NSMAF: variants seen among roughly 807,000 people sequenced by gnomAD.
The protein encoded by NSMAF is protein FAN.
NSMAF carries 90 observed loss-of-function variants against 134.9 expected under a neutral mutation model. That is an observed-to-expected ratio of 0.67 (90% CI 0.56 to 0.79). The LOEUF is 0.79. NSMAF is among the 30% of genes least tolerant of loss of function. The pLI, the probability that NSMAF is intolerant of heterozygous loss-of-function variation, is 0.00. For synonymous variants in NSMAF, 358 were observed against 389.6 expected (o/e 0.92, Z 0.96); for missense variants, 1,010 against 1,119.0 (o/e 0.90, Z 1.39).
intron 6 of NSMAF, 107 bp from the exon 7 acceptor site, chr8:58,623,887 T>G (rs1806851900): frequency 6.0e-6 from 5 of 837,942 alleles, no homozygotes; most frequent in African/African-American, 3.4e-5. Context: ...ATCTGCATGT[T>G]TTACCTAGTG....
intron 22 of NSMAF, 54 bp from the exon 23 acceptor site, chr8:58,594,344 T>G: frequency 6.8e-7 from 1 of 1,461,494 alleles, no homozygotes; most frequent in South Asian, 1.2e-5. Flanking sequence ...TAGGATACCC[T>G]CTTTGTTTCA....
chr8:58,635,269 T>G lies in NSMAF; in HGVS notation c.296+36A>C, dbSNP rs748869202. On this transcript the variant is annotated intron_variant, in intron 4 of 30. Transcript: ENST00000038176. ...TCATTAAATATATACAGCTTTTTGGTTGAAGTAAAATTAAACAGTGGTGAA... is the reference window on the plus strand; with the variant it reads ...TCATTAAATATATACAGCTTTTTGGGTGAAGTAAAATTAAACAGTGGTGAA... The G allele has an allele frequency of 5.0e-6, 8 of 1,608,484 alleles. No homozygotes were observed. In the East Asian group the frequency reaches 6.7e-5, roughly 13 times the overall value.
chr8:58,585,659 G>A lies in NSMAF; in HGVS notation c.2652C>T (p.Gly884=), dbSNP rs1805865078. The A allele has an allele frequency of 1.2e-6, 2 of 1,609,982 alleles. No homozygotes were observed. Among genetic ancestry groups the A allele is most frequent in the East Asian group, 2.2e-5 (1 of 44,858 alleles). ...LGAKISERIQ[G]HTGAVTCIWM... Reference sequence around the variant, plus strand: ...ACTGCAGTAGCTGCTTACCTGTGTGGCCCTGTATTCTCTCACTGATTTTTG... The same window carrying A: ...ACTGCAGTAGCTGCTTACCTGTGTGACCCTGTATTCTCTCACTGATTTTTG... The change falls in exon 30 of 31, where the codon GGC becomes GGT. Residue 884 remains glycine, a synonymous_variant. Coordinates refer to ENST00000038176, the MANE Select transcript of NSMAF (RefSeq NM_003580.4).
chr8:58,621,220 T>C (rs1806781247), intron 9 of NSMAF, among the ~76,000 whole-genome samples: 1 of 152,192 alleles, frequency 6.6e-6, no homozygotes, highest in African/African-American at 2.4e-5. Flanking sequence ...ATTCCCACAT[T>C]AATTTGCTCC....
At chr8:58,605,882 A>G (rs1167216825) in intron 12 of NSMAF, 45 bp downstream of exon 12, 9 of 434,304 alleles carry the variant, frequency 2.1e-5, no homozygotes, top group South Asian at 1.8e-4. Context: ...TCAGCCTCCA[A>G]AAAAAAAAAA....
intron 9 of NSMAF, among the ~76,000 whole-genome samples, chr8:58,620,936 ATTT>A (rs538178332): frequency 6.6e-6 from 1 of 151,996 alleles, no homozygotes; most frequent in Non-Finnish European, 1.5e-5. Flanking sequence ...CAAAGACTTA[ATTT>A]TTTTTATTAT....
At chr8:58,639,719 GATTA>G (rs1409620900) in intron 2 of NSMAF, among the ~76,000 whole-genome samples, 11 of 152,074 alleles carry the variant, frequency 7.2e-5, no homozygotes, top group African/African-American at 2.2e-4. Context: ...TCCATTGATA[GATTA>G]ATGAATAAAG....
chr8:58,656,016 CT>C (rs143612297), intron 1 of NSMAF, among the ~76,000 whole-genome samples: 16,953 of 150,760 alleles, frequency 0.11, 1,012 homozygotes, highest in African/African-American at 0.15. Context: ...CTATCTAAAT[CT>C]TTTTTTTGTT....
chr8:58,622,542 C>CG (rs1365146719), intron 9 of NSMAF, among the ~76,000 whole-genome samples: 2 of 151,972 alleles, frequency 1.3e-5, no homozygotes, highest in Non-Finnish European at 2.9e-5. Context: ...TACAGGTGCC[C>CG]GCCACCATGC....
chr8:58,657,490 G>T (rs1208950700), intron 1 of NSMAF, among the ~76,000 whole-genome samples: 1 of 152,194 alleles, frequency 6.6e-6, no homozygotes, highest in Admixed American at 6.5e-5. Flanking sequence ...GATGCAAGGG[G>T]ATAAACCCGG....
rs568389920 is a variant in NSMAF, at chr8:58,594,343, C to T, written c.1893-53G>A. 15 of 1,461,052 alleles carry T rather than the reference C, an allele frequency of 1.0e-5. No individual in the cohort carries two copies. In the Admixed American group the frequency reaches 2.1e-4, roughly 20 times the overall value. The allele number at this position is 1,461,052 out of a possible 1,614,324, so 90.5% of individuals were successfully genotyped here. On this transcript the variant is annotated intron_variant, in intron 22 of 30. Transcript: ENST00000038176. ...ACTACTCATCATGTGTTAGGATACC[C>T]TCTTTGTTTCATATCCTTGATTTAA...
At chr8:58,632,851 A>G (rs894240495) in intron 5 of NSMAF, among the ~76,000 whole-genome samples, 4 of 152,110 alleles carry the variant, frequency 2.6e-5, no homozygotes, top group Admixed American at 2.6e-4. Context: ...AACTCTCTTT[A>G]TCACTATAAA....
rs959749977 is a variant in NSMAF at position 58,583,898 on chromosome 8, A to G, written c.*208T>C. The G allele has an allele frequency of 7.1e-6, 4 of 562,892 alleles. No homozygotes were observed. Among genetic ancestry groups the G allele is most frequent in the Non-Finnish European group, 1.3e-5 (4 of 315,130 alleles). 34.9% of individuals were successfully genotyped at this position (562,892 alleles called of 1,614,324 possible). A position where few individuals can be genotyped will look rare whatever the true frequency, so the allele number is the denominator to read the frequency against. ...CCTTACAGTGTAACATGTTTTTCCT[A>G]ACACAGCCGCATTTTATCTGCCCTA... On this transcript the variant is annotated 3_prime_UTR_variant, in exon 31 of 31. Transcript: ENST00000038176.
At chr8:58,651,507 C>G (rs956131999) in intron 1 of NSMAF, among the ~76,000 whole-genome samples, 1 of 152,166 alleles carries the variant, frequency 6.6e-6, no homozygotes, top group African/African-American at 2.4e-5. Context: ...TATCAAAATC[C>G]CTTTCACTGA....
At chr8:58,622,685 GC>G (rs1806816173) in intron 9 of NSMAF, among the ~76,000 whole-genome samples, 1 of 151,914 alleles carries the variant, frequency 6.6e-6, no homozygotes. Flanking sequence ...GAGCCACCGT[GC>G]CCAGCCTAAT....
chr8:58,598,715 G>A (rs1806200070), intron 19 of NSMAF, among the ~76,000 whole-genome samples: 1 of 152,016 alleles, frequency 6.6e-6, no homozygotes, highest in Non-Finnish European at 1.5e-5. Context: ...CTCCCTCCTT[G>A]TCAGTTACTC....
chr8:58,659,499 G>A (rs1585773649), intron 1 of NSMAF, 74 bp downstream of exon 1: 1 of 1,493,334 alleles, frequency 6.7e-7, no homozygotes, highest in East Asian at 2.8e-5. Context: ...CCGTCCCTCA[G>A]ATCTCCGGCC....
rs1806300865 is a variant in NSMAF at position 58,602,213 on chromosome 8, C to T, written c.1046-76G>A. 2.0e-5 allele frequency: 22 copies of T among 1,123,158 alleles called. 1 individual carries two copies. The South Asian group carries it at 2.9e-4, about 15-fold the overall frequency. The allele number at this position is 1,123,158 out of a possible 1,614,324, so 69.6% of individuals were successfully genotyped here. A position where few individuals can be genotyped will look rare whatever the true frequency, so the allele number is the denominator to read the frequency against. On this transcript the variant is annotated intron_variant, in intron 13 of 30. Transcript: ENST00000038176. ...CCTCCTGAATTAATTCAAATATACA[C>T]ATTTACTTCCACAAAAGTTTTTTTA...
chr8:58,589,632 A>G (rs1805979062), intron 25 of NSMAF, 57 bp from the exon 26 acceptor site: 1 of 1,479,728 alleles, frequency 6.8e-7, no homozygotes, highest in Admixed American at 2.6e-5. Context: ...AAGGCTCCTA[A>G]ACATATATTA....
Sources: allele counts gnomAD v4.1 joint callset (sites outside exome capture counted in the v4.1 genomes callset), GRCh38; gene constraint gnomAD v4.1.1; transcripts MANE v1.5; gene names NCBI Gene and HGNC (gene_info 2026-07-23, HGNC 2026-07-21).